ZNF385C: variants seen among roughly 807,000 people sequenced by gnomAD.
ZNF385C encodes zinc finger protein 385C.
ZNF385C carries 28 observed loss-of-function variants against 35.4 expected under a neutral mutation model. The ratio of observed to expected loss-of-function variants is 0.79; its 90% CI spans 0.59 to 1.08. The LOEUF (loss-of-function observed/expected upper bound fraction) is 1.08, where lower values mean the gene tolerates loss of function less well. Ranked by LOEUF, ZNF385C falls within the 50% of genes least tolerant of loss-of-function variation. ZNF385C has a pLI of 0.00. For missense variants in ZNF385C, 605 were observed against 595.6 expected (o/e 1.02, Z -0.16); for synonymous variants, 248 against 248.2 (o/e 1.00, Z 0.01).
At chr17:42,083,406 T>C (rs2053769965) in intron 1 of ZNF385C, among the ~76,000 whole-genome samples, 1 of 151,928 alleles carries the variant, frequency 6.6e-6, no homozygotes, top group Non-Finnish European at 1.5e-5. Context: ...GGTTTCACCA[T>C]GTTAGTTAGC....
chr17:42,039,430 T>C (rs1248914301), intron 2 of ZNF385C: 5 of 342,070 alleles, frequency 1.5e-5, no homozygotes, highest in Non-Finnish European at 2.6e-5. Flanking sequence ...GAGCTACTCC[T>C]CATCTAACTG....
chr17:42,026,864 A>G lies in ZNF385C; in HGVS notation c.*33T>C. ...GGACAGGAGGAGACAAGGAGTGGCT[A>G]TTGGGAAATCAGCTCTGGCCTCCCC... On this transcript the variant is annotated 3_prime_UTR_variant, in exon 9 of 9. Transcript: ENST00000692273. 6.4e-7 allele frequency: 1 copy of G among 1,552,846 alleles called. No homozygotes were observed. The highest frequency in any genetic ancestry group is 8.7e-7 in the Non-Finnish European group (1 of 1,143,934).
chr17:42,029,013 C>A lies in ZNF385C; in HGVS notation c.737G>T (p.Cys246Phe). Residue 246 changes from cysteine to phenylalanine, a missense_variant, in exon 6 of 9, where the codon TGC becomes TTC. By Grantham distance (205) the Cys-to-Phe change is radical (BLOSUM62 -2). Coordinates refer to ENST00000692273, the MANE Select transcript of ZNF385C (RefSeq NM_001392013.1). ...GAGCTCTGAGTGGGCTGGCTCCCTG[C>A]ATGTAGGGTCTGGAGTTGGTGGTGG... is the stretch of plus-strand genomic sequence containing the variant. ...LQPPPTPDPT[C>F]REPAHSELLD... 2 of 1,550,432 alleles carry A rather than the reference C, an allele frequency of 1.3e-6. No homozygotes were observed. Among genetic ancestry groups the A allele is most frequent in the Middle Eastern group, 1.7e-4 (1 of 5,990 alleles).
At chr17:42,052,860 C>A (rs1555657247) in intron 2 of ZNF385C, among the ~76,000 whole-genome samples, 1 of 152,234 alleles carries the variant, frequency 6.6e-6, no homozygotes, top group Non-Finnish European at 1.5e-5. Context: ...TTTCCCCATC[C>A]CCCTACCCCC....
At chr17:42,073,482 A>AG (rs1425878026) in intron 1 of ZNF385C, among the ~76,000 whole-genome samples, 1 of 152,072 alleles carries the variant, frequency 6.6e-6, no homozygotes, top group Non-Finnish European at 1.5e-5. Flanking sequence ...AAAGTCACAC[A>AG]GGAAGTGGGC....
At chr17:42,049,368 C>A (rs1555656903) in intron 2 of ZNF385C, among the ~76,000 whole-genome samples, 2 of 152,042 alleles carry the variant, frequency 1.3e-5, no homozygotes, top group African/African-American at 4.8e-5. Flanking sequence ...TCTCTCCACC[C>A]CCCTTCTCAT....
chr17:42,083,496 C>T (rs1222934506), intron 1 of ZNF385C, among the ~76,000 whole-genome samples: 4 of 151,848 alleles, frequency 2.6e-5, no homozygotes, highest in Non-Finnish European at 4.4e-5. Context: ...CATGAGCCAC[C>T]GCGCCTGGCC....
At chr17:42,085,667 G>A (rs184180601) in intron 1 of ZNF385C, among the ~76,000 whole-genome samples, 17 of 148,124 alleles carry the variant, frequency 1.1e-4, no homozygotes, top group East Asian at 1.0e-3. Context: ...GCGCGATCTC[G>A]GCTCACTGCA....
intron 2 of ZNF385C, among the ~76,000 whole-genome samples, chr17:42,041,403 CCTGT>C (rs1354184014): frequency 6.6e-6 from 1 of 152,174 alleles, no homozygotes; most frequent in Non-Finnish European, 1.5e-5. Flanking sequence ...CAGCTCCTGG[CCTGT>C]CTAAGAATAT....
chr17:42,053,820 C>T (rs2053327246), intron 2 of ZNF385C, among the ~76,000 whole-genome samples: 1 of 152,112 alleles, frequency 6.6e-6, no homozygotes, highest in Non-Finnish European at 1.5e-5. Flanking sequence ...CTTCCCAGCC[C>T]GGGCGTCATC....
At chr17:42,097,020 C>A (rs1421230044) in intron 1 of ZNF385C, among the ~76,000 whole-genome samples, 1 of 150,590 alleles carries the variant, frequency 6.6e-6, no homozygotes, top group Non-Finnish European at 1.5e-5. Context: ...CTCCCCTGCT[C>A]GCTCTCACTC....
rs782538390 is a variant in ZNF385C at position 42,031,699 on chromosome 17, T to C, written c.596A>G (p.His199Arg). ...VEAAKSKQRP[H>R]TQAQDGAVVS... ...TACAGCCCCATCCTGGGCCTGGGTG[T>C]GTGGCCTCTGCTTGCTCTTGGCAGC... Residue 199 changes from histidine to arginine, a missense_variant, in exon 5 of 9, where the codon CAC becomes CGC. His to Arg is a conservative substitution (Grantham distance 29, BLOSUM62 0). Coordinates refer to ENST00000692273, the MANE Select transcript of ZNF385C (RefSeq NM_001392013.1). 1.3e-5 allele frequency: 20 copies of C among 1,550,624 alleles called. No homozygotes were observed. The highest frequency in any genetic ancestry group is 3.3e-4 in the Middle Eastern group (2 of 6,014).
rs868981519 is a variant in ZNF385C at position 42,041,100 on chromosome 17, G to A, written c.251-3215C>T. 24 of 1,232,214 alleles carry A rather than the reference G, an allele frequency of 1.9e-5. No individual in the cohort carries two copies. The African/African-American group carries it at 2.2e-4, about 11-fold the overall frequency. The allele number at this position is 1,232,214 out of a possible 1,614,324, so 76.3% of individuals were successfully genotyped here. A position where few individuals can be genotyped will look rare whatever the true frequency, so the allele number is the denominator to read the frequency against. ...GGGCCAGGCTGTGTGACTCCGGCCA[G>A]TCTCTGGTCTCGTCCAACACCAGCC... On this transcript the variant is annotated intron_variant, in intron 2 of 8. Coordinates refer to ENST00000692273, the MANE Select transcript of ZNF385C (RefSeq NM_001392013.1).
chr17:42,027,555 CCCT>C, intron 8 of ZNF385C, 60 bp downstream of exon 8: 5 of 379,640 alleles, frequency 1.3e-5, no homozygotes, highest in East Asian at 1.4e-4. Context: ...CCCCATCTGG[CCCT>C]CCCAGCCCAC....
intron 8 of ZNF385C, 124 bp downstream of exon 8, chr17:42,027,494 G>T: frequency 2.4e-6 from 2 of 835,944 alleles, no homozygotes; most frequent in Non-Finnish European, 3.6e-6. Flanking sequence ...CTCTGTCACT[G>T]CCCAGCAGCC....
chr17:42,073,684 G>A (rs562232313), intron 1 of ZNF385C, among the ~76,000 whole-genome samples: 1 of 152,206 alleles, frequency 6.6e-6, no homozygotes, highest in Admixed American at 6.5e-5. Flanking sequence ...AGGAAGAGCA[G>A]GAGGCAGGGG....
chr17:42,058,844 A>G (rs1233092520), intron 2 of ZNF385C, among the ~76,000 whole-genome samples: 1 of 152,128 alleles, frequency 6.6e-6, no homozygotes, highest in Admixed American at 6.5e-5. Flanking sequence ...TTTAGTAGAG[A>G]TGGGGTTTCA....
chr17:42,041,001 C>G (rs572037535), intron 2 of ZNF385C: 1 of 1,232,200 alleles, frequency 8.1e-7, no homozygotes, highest in African/African-American at 1.6e-5. Context: ...TGGCCTCGCC[C>G]TCCTGTAGCT....
At position 42,027,699 on chromosome 17, in the gene ZNF385C, G is replaced by A. The variant is rs782260940; in HGVS notation, c.1194C>T (p.Arg398=). The A allele has an allele frequency of 1.9e-6, 3 of 1,612,830 alleles. No homozygotes were observed. The highest frequency in any genetic ancestry group is 2.5e-6 in the Non-Finnish European group (3 of 1,179,574). Reference sequence around the variant, plus strand: ...AGGGCTTGGGGGTCTTCCCGGCCAGGCGGTCTTTGTGCCTCCTGCTGCTCA... The same window carrying A: ...AGGGCTTGGGGGTCTTCCCGGCCAGACGGTCTTTGTGCCTCCTGCTGCTCA... ...QHMSSRRHKD[R]LAGKTPKPSS... The change falls in exon 8 of 9, where the codon CGC becomes CGT. Residue 398 remains arginine (R), a synonymous_variant. Transcript: ENST00000692273.
Sources: allele counts gnomAD v4.1 joint callset (sites outside exome capture counted in the v4.1 genomes callset), GRCh38; gene constraint gnomAD v4.1.1; transcripts MANE v1.5; gene names NCBI Gene and HGNC (gene_info 2026-07-23, HGNC 2026-07-21).